Variants in WWOX observed in about 807,000 individuals in gnomAD.
The protein encoded by WWOX is WW domain containing oxidoreductase.
A neutral mutation model predicts 46.2 loss-of-function variants in WWOX; 69 were observed. The observed-to-expected ratio is 1.49, with a 90% CI of 1.23 to 1.82. The LOEUF (loss-of-function observed/expected upper bound fraction) is 1.82, where lower values mean the gene tolerates loss of function less well. WWOX is among the 40% of genes most tolerant of loss of function. WWOX has a pLI of 0.00. For missense variants in WWOX, 919 were observed against 542.6 expected, an observed-to-expected ratio of 1.69 and a Z score of -6.89; for synonymous variants, 359 against 202.6, an observed-to-expected ratio of 1.77 and a Z score of -6.56.
intron 5 of WWOX, among the ~76,000 whole-genome samples, chr16:78,348,833 A>G (rs1158527484): frequency 1.7e-5 from 2 of 120,632 alleles, no homozygotes; most frequent in African/African-American, 5.6e-5. Flanking sequence ...GAAATATAAG[A>G]GAAAGAAAGA....
intron 8 of WWOX, among the ~76,000 whole-genome samples, chr16:78,710,483 T>A (rs1201723536): frequency 7.7e-6 from 1 of 129,686 alleles, no homozygotes; most frequent in Admixed American, 8.0e-5. Context: ...CATATATATA[T>A]ATATATATAT....
intron 8 of WWOX, among the ~76,000 whole-genome samples, chr16:78,677,406 T>A (rs2047627062): frequency 6.6e-6 from 1 of 152,212 alleles, no homozygotes; most frequent in Non-Finnish European, 1.5e-5. Context: ...TTTTGAAAAC[T>A]TGCAATGGCT....
At chr16:78,200,355 G>A (rs911857975) in intron 5 of WWOX, among the ~76,000 whole-genome samples, 3 of 151,154 alleles carry the variant, frequency 2.0e-5, no homozygotes, top group South Asian at 2.1e-4. Context: ...TGGGGCATTC[G>A]CTCTTACAAC....
At chr16:79,098,860 T>G (rs999762414) in intron 8 of WWOX, among the ~76,000 whole-genome samples, 6 of 152,234 alleles carry the variant, frequency 3.9e-5, no homozygotes, top group African/African-American at 1.4e-4. Context: ...CTTTTAAAAT[T>G]TCTACTTCTG....
intron 5 of WWOX, among the ~76,000 whole-genome samples, chr16:78,358,307 A>G (rs1205733819): frequency 6.6e-6 from 1 of 152,212 alleles, no homozygotes; most frequent in Non-Finnish European, 1.5e-5. Flanking sequence ...ATTAAATTAG[A>G]ACTCTGCTAA....
chr16:78,397,712 A>G (rs1227283355), intron 6 of WWOX, among the ~76,000 whole-genome samples: 5 of 152,210 alleles, frequency 3.3e-5, no homozygotes, highest in Admixed American at 2.0e-4. Flanking sequence ...TCAAGGTTGG[A>G]GGAGATGCTT....
chr16:78,170,322 T>G (rs905368847), intron 5 of WWOX, among the ~76,000 whole-genome samples: 1 of 152,220 alleles, frequency 6.6e-6, no homozygotes, highest in South Asian at 2.1e-4. Flanking sequence ...CATCATAATA[T>G]CTCTATTCAG....
intron 6 of WWOX, among the ~76,000 whole-genome samples, chr16:78,400,463 C>T (rs944522837): frequency 1.3e-5 from 2 of 152,188 alleles, no homozygotes; most frequent in African/African-American, 4.8e-5. Flanking sequence ...CCCCAGGATT[C>T]TAATGTAATT....
At chr16:78,797,482 A>G (rs970467777) in intron 8 of WWOX, among the ~76,000 whole-genome samples, 18 of 151,802 alleles carry the variant, frequency 1.2e-4, no homozygotes, top group African/African-American at 4.4e-4. Flanking sequence ...ATTTGTAGAG[A>G]TGTTCTCGAG....
intron 8 of WWOX, among the ~76,000 whole-genome samples, chr16:78,871,666 T>C (rs6420413): frequency 0.78 from 119,236 of 152,182 alleles, 47,197 homozygotes; most frequent in African/African-American, 0.88. Flanking sequence ...GTAGTGCAAT[T>C]TCAGCTCACT....
chr16:78,953,967 C>A (rs1231759275), intron 8 of WWOX, among the ~76,000 whole-genome samples: 4 of 152,332 alleles, frequency 2.6e-5, no homozygotes, highest in Admixed American at 2.6e-4. Flanking sequence ...AGTCCCTGTG[C>A]AAGATGCTGC....
chr16:79,024,007 A>C (rs943989102), intron 8 of WWOX, among the ~76,000 whole-genome samples: 2 of 152,114 alleles, frequency 1.3e-5, no homozygotes, highest in Admixed American at 1.3e-4. Context: ...GATGCAAAAG[A>C]TGACCTAACA....
At chr16:78,205,506 C>T (rs1202232877) in intron 5 of WWOX, among the ~76,000 whole-genome samples, 1 of 151,868 alleles carries the variant, frequency 6.6e-6, no homozygotes. Context: ...TAGTCATCCC[C>T]ATCCATCCAC....
At chr16:78,940,077 G>A (rs1053376913) in intron 8 of WWOX, among the ~76,000 whole-genome samples, 2 of 152,150 alleles carry the variant, frequency 1.3e-5, no homozygotes, top group Non-Finnish European at 2.9e-5. Context: ...ATACAAAAAT[G>A]CATTTGAGGT....
At chr16:78,804,901 C>G (rs2050989183) in intron 8 of WWOX, among the ~76,000 whole-genome samples, 1 of 152,198 alleles carries the variant, frequency 6.6e-6, no homozygotes, top group Non-Finnish European at 1.5e-5. Flanking sequence ...CCCAAGTAAT[C>G]TAAATTTCCT....
At chr16:78,350,151 T>G (rs2151905542) in intron 5 of WWOX, among the ~76,000 whole-genome samples, 1 of 121,512 alleles carries the variant, frequency 8.2e-6, no homozygotes, top group South Asian at 2.5e-4. Flanking sequence ...ACCATACTTT[T>G]CTCAATCCAC....
At chr16:79,076,670 G>C (rs1011040719) in intron 8 of WWOX, among the ~76,000 whole-genome samples, 4 of 152,202 alleles carry the variant, frequency 2.6e-5, no homozygotes, top group Non-Finnish European at 5.9e-5. Flanking sequence ...ACAAACTTGA[G>C]AGTCAGACGG....
At chr16:78,548,798 C>G (rs905789668) in intron 8 of WWOX, among the ~76,000 whole-genome samples, 3 of 152,224 alleles carry the variant, frequency 2.0e-5, no homozygotes, top group East Asian at 1.9e-4. Context: ...AAAATAAACG[C>G]CTTCATTTCA....
intron 8 of WWOX, among the ~76,000 whole-genome samples, chr16:78,736,534 C>G (rs1036202959): frequency 3.3e-5 from 5 of 152,112 alleles, no homozygotes; most frequent in East Asian, 1.9e-4. Context: ...TCATGAGTAT[C>G]CATGGCACAC....
Sources: gnomAD v4.1 joint callset for allele counts (sites outside exome capture counted in the v4.1 genomes callset) on GRCh38, gnomAD v4.1.1 for gene constraint, MANE v1.5 for transcripts, NCBI Gene and HGNC (gene_info 2026-07-23, HGNC 2026-07-21) for gene names.